Variants in SLC39A11 observed in about 807,000 individuals in gnomAD.
SLC39A11 encodes the protein solute carrier family 39 member 11.
A neutral mutation model predicts 36.1 loss-of-function variants in SLC39A11; 33 were observed. That is an observed-to-expected ratio of 0.91 (90% CI 0.69 to 1.22). The LOEUF (loss-of-function observed/expected upper bound fraction) is 1.22. SLC39A11 is among the 50% of genes most tolerant of loss of function. The pLI is 0.00. For synonymous variants in SLC39A11, 166 were observed against 170.3 expected (o/e 0.97, Z 0.20); for missense variants, 432 against 430.3 (o/e 1.00, Z -0.03).
intron 7 of SLC39A11, among the ~76,000 whole-genome samples, chr17:72,699,843 C>T (rs2072522679): frequency 6.6e-6 from 1 of 152,182 alleles, no homozygotes; most frequent in African/African-American, 2.4e-5. Flanking sequence ...GGATGGGTAG[C>T]TGAAATCCTG....
At chr17:72,836,147 C>T (rs79133174) in intron 6 of SLC39A11, among the ~76,000 whole-genome samples, 1,536 of 152,310 alleles carry the variant, frequency 0.01, 16 homozygotes, top group Non-Finnish European at 0.017. Context: ...ACTACGCCAA[C>T]GTGGTGCTGC....
At chr17:72,759,126 T>TA (rs1555661082) in intron 6 of SLC39A11, among the ~76,000 whole-genome samples, 1 of 151,472 alleles carries the variant, frequency 6.6e-6, no homozygotes. Flanking sequence ...ATAATAATAA[T>TA]AATAAATAAT....
intron 3 of SLC39A11, among the ~76,000 whole-genome samples, chr17:73,045,046 T>C (rs2059234591): frequency 6.6e-6 from 1 of 151,938 alleles, no homozygotes; most frequent in African/African-American, 2.4e-5. Flanking sequence ...CTCCCCCAAT[T>C]CTGATGAGCC....
At chr17:73,046,126 C>A (rs753985498) in intron 3 of SLC39A11, among the ~76,000 whole-genome samples, 9 of 152,294 alleles carry the variant, frequency 5.9e-5, no homozygotes, top group Non-Finnish European at 1.2e-4. Flanking sequence ...AGTTTCTCCC[C>A]CTTCACTCAT....
chr17:72,857,301 A>G (rs1471726173), intron 5 of SLC39A11, among the ~76,000 whole-genome samples: 2 of 152,198 alleles, frequency 1.3e-5, no homozygotes, highest in African/African-American at 2.4e-5. Flanking sequence ...GTGTTCCCAA[A>G]AAAGACATGA....
At chr17:72,933,558 C>T (rs1030504305) in intron 5 of SLC39A11, among the ~76,000 whole-genome samples, 5 of 152,110 alleles carry the variant, frequency 3.3e-5, no homozygotes, top group African/African-American at 9.7e-5. Flanking sequence ...CTTGCTTTGT[C>T]GCCCAAGCCA....
intron 4 of SLC39A11, among the ~76,000 whole-genome samples, chr17:72,964,228 T>C (rs2086811380): frequency 6.6e-6 from 1 of 152,244 alleles, no homozygotes; most frequent in African/African-American, 2.4e-5. Flanking sequence ...CCCAGACCAC[T>C]GCAGGACAGA....
At chr17:73,028,746 C>A (rs2058642175) in intron 4 of SLC39A11, among the ~76,000 whole-genome samples, 1 of 151,226 alleles carries the variant, frequency 6.6e-6, no homozygotes, top group African/African-American at 2.4e-5. Flanking sequence ...CTATCCAGGG[C>A]TTCCCTCTGG....
At chr17:73,077,547 C>T (rs960786517) in intron 3 of SLC39A11, among the ~76,000 whole-genome samples, 2 of 152,206 alleles carry the variant, frequency 1.3e-5, no homozygotes, top group African/African-American at 4.8e-5. Context: ...AGACTGGTCT[C>T]AAACTCCTGA....
intron 5 of SLC39A11, among the ~76,000 whole-genome samples, chr17:72,935,819 G>A (rs1340400220): frequency 2.0e-5 from 3 of 151,774 alleles, no homozygotes; most frequent in Admixed American, 6.6e-5. Flanking sequence ...TCCTGACCTC[G>A]TGATCCACCC....
intron 5 of SLC39A11, among the ~76,000 whole-genome samples, chr17:72,869,415 G>C (rs1017950576): frequency 6.6e-6 from 1 of 152,220 alleles, no homozygotes; most frequent in African/African-American, 2.4e-5. Context: ...TTGAGATGGA[G>C]TTTCGCTCTT....
chr17:72,873,307 A>G (rs1243916019), intron 5 of SLC39A11, among the ~76,000 whole-genome samples: 1 of 152,144 alleles, frequency 6.6e-6, no homozygotes, highest in East Asian at 1.9e-4. Flanking sequence ...ATTCTGCACA[A>G]GAAGATAGCT....
chr17:72,885,119 G>A (rs561551230), intron 5 of SLC39A11, among the ~76,000 whole-genome samples: 25 of 152,214 alleles, frequency 1.6e-4, no homozygotes, highest in African/African-American at 5.3e-4. Flanking sequence ...GTAGGTTATC[G>A]AAATGGAAGA....
At chr17:73,045,915 ACT>A (rs2059272274) in intron 3 of SLC39A11, among the ~76,000 whole-genome samples, 1 of 152,078 alleles carries the variant, frequency 6.6e-6, no homozygotes, top group African/African-American at 2.4e-5. Flanking sequence ...ACCCATCAGC[ACT>A]CTCTCAGCTC....
At chr17:73,009,260 G>T (rs368625404) in intron 4 of SLC39A11, among the ~76,000 whole-genome samples, 3 of 150,478 alleles carry the variant, frequency 2.0e-5, no homozygotes. Context: ...TCCCCGCTAC[G>T]GGGGAGGCTG....
At chr17:72,908,431 C>T (rs2082779177) in intron 5 of SLC39A11, among the ~76,000 whole-genome samples, 2 of 152,204 alleles carry the variant, frequency 1.3e-5, no homozygotes, top group Non-Finnish European at 2.9e-5. Context: ...CTGGCCACTT[C>T]GGGGCCAAAA....
At chr17:72,877,518 G>C (rs947384059) in intron 5 of SLC39A11, among the ~76,000 whole-genome samples, 6 of 152,184 alleles carry the variant, frequency 3.9e-5, no homozygotes, top group Admixed American at 3.9e-4. Context: ...ATCAGTTCAC[G>C]ATGCTTGATT....
chr17:72,852,423 T>G (rs1176353737), intron 5 of SLC39A11, among the ~76,000 whole-genome samples: 1 of 152,082 alleles, frequency 6.6e-6, no homozygotes, highest in African/African-American at 2.4e-5. Flanking sequence ...AGGATGCCAG[T>G]CCTCCACTGG....
chr17:72,710,249 T>C (rs554529630), intron 7 of SLC39A11, among the ~76,000 whole-genome samples: 19 of 152,380 alleles, frequency 1.2e-4, no homozygotes, highest in African/African-American at 4.3e-4. Context: ...TCTCATTTTT[T>C]AAATCCACCC....
Sources: gnomAD v4.1 joint callset for allele counts (sites outside exome capture counted in the v4.1 genomes callset) on GRCh38, gnomAD v4.1.1 for gene constraint, MANE v1.5 for transcripts, NCBI Gene and HGNC (gene_info 2026-07-23, HGNC 2026-07-21) for gene names.